Variants in NBPF9 observed in about 807,000 individuals in gnomAD.
The protein encoded by NBPF9 is NBPF family member NBPF9.
Under a neutral mutation model 97.8 loss-of-function variants are expected in NBPF9, and 91 were observed. The observed-to-expected ratio is 0.93, with a 90% CI of 0.79 to 1.11. The LOEUF is 1.11. NBPF9 is among the 50% of genes least tolerant of loss of function. The pLI is 0.00. For synonymous variants in NBPF9, 334 were observed against 359.5 expected (o/e 0.93, Z 0.80); for missense variants, 992 against 939.5 (o/e 1.06, Z -0.73).
chr1:149,093,171 A>G (rs1395787808), intron 4 of NBPF9, among the ~76,000 whole-genome samples: 19 of 151,956 alleles, frequency 1.3e-4, no homozygotes, highest in Non-Finnish European at 2.1e-4. Flanking sequence ...TAAACAAGGT[A>G]AAGAAAAAAG....
intron 5 of NBPF9, among the ~76,000 whole-genome samples, chr1:149,082,843 G>A (rs782441824): frequency 6.9e-5 from 10 of 145,882 alleles, no homozygotes; most frequent in African/African-American, 1.0e-4. Context: ...GCAGTGACGC[G>A]ATCTAGGCTC....
chr1:149,080,469 C>A (rs1193108656), intron 7 of NBPF9, among the ~76,000 whole-genome samples: 19 of 150,748 alleles, frequency 1.3e-4, no homozygotes, highest in Admixed American at 3.3e-4. Flanking sequence ...CTTTCCCAAG[C>A]CTTGCAGCCT....
Position 149,073,730 on chromosome 1 carries a change from C to A in NBPF9, c.1091+38G>T, listed in dbSNP as rs587725422. The A allele has an allele frequency of 6.4e-4, 954 of 1,500,838 alleles. 19 individuals carry two copies. The highest frequency in any genetic ancestry group is 2.8e-3 in the Middle Eastern group (12 of 4,212). The allele number at this position is 1,500,838 out of a possible 1,614,324, so 93.0% of individuals were successfully genotyped here. On this transcript the variant is annotated intron_variant, in intron 13 of 29. Transcript: ENST00000584027. Reference sequence around the variant, plus strand: ...AGCTGCTGTACTTCAGAGATTTACACACCTGCCCCCCTGCCTGCCCCCATG... The same window carrying A: ...AGCTGCTGTACTTCAGAGATTTACAAACCTGCCCCCCTGCCTGCCCCCATG...
At chr1:149,095,623 C>CAAAA (rs373341524) in intron 4 of NBPF9, among the ~76,000 whole-genome samples, 2 of 101,234 alleles carry the variant, frequency 2.0e-5, no homozygotes, top group Non-Finnish European at 4.0e-5. Context: ...CAACACAAAG[C>CAAAA]AAAAAAAAAA....
intron 28 of NBPF9, among the ~76,000 whole-genome samples, 182 bp downstream of exon 28, chr1:149,057,153 C>T (rs1211227815): frequency 6.0e-3 from 3 of 502 alleles, no homozygotes; most frequent in African/African-American, 0.013. Context: ...GTCTTGCTCA[C>T]TGACCCATCC....
At chr1:149,097,620 T>A (rs1397667174) in intron 4 of NBPF9, among the ~76,000 whole-genome samples, 1 of 152,128 alleles carries the variant, frequency 6.6e-6, no homozygotes, top group Non-Finnish European at 1.5e-5. Flanking sequence ...CAGGACCTGG[T>A]GGACGGCCAC....
chr1:149,099,066 TAA>T lies in NBPF9; in HGVS notation c.-605-362_-605-361del, dbSNP rs1397344140. Among the ~76,000 whole-genome samples the T allele has an allele frequency of 7.4e-4, 111 of 149,336 alleles. 1 individual carries two copies. Among genetic ancestry groups the T allele is most frequent in the Middle Eastern group, 3.4e-3 (1 of 292 alleles). ...AACTCCAGCCTGGGGGAAAAAAAAATAAAGAGTCCTGACTAAATACTTGAGTA... is the reference window on the plus strand; with the variant it reads ...AACTCCAGCCTGGGGGAAAAAAAAATAGAGTCCTGACTAAATACTTGAGTA... On this transcript the variant is annotated intron_variant, in intron 3 of 29. Transcript: ENST00000584027.
chr1:149,096,005 T>A (rs1553661427), intron 4 of NBPF9, among the ~76,000 whole-genome samples: 1 of 151,848 alleles, frequency 6.6e-6, no homozygotes, highest in African/African-American at 2.4e-5. Flanking sequence ...GTTGTAGCCA[T>A]ACAATGAAAT....
rs1187399091 is a variant in NBPF9 at position 149,093,122 on chromosome 1, G to A, written c.-336-2228C>T. 6.6e-4 allele frequency among the ~76,000 whole-genome samples: 101 copies of A among 151,982 alleles called. No individual in the cohort carries two copies. The Middle Eastern group carries it at 0.01, about 15-fold the overall frequency. ...GACAATAGGATAATAGTGGAGAGAA[G>A]ATCAGCAGGTAAACACGTGAACAAA... On this transcript the variant is annotated intron_variant, in intron 4 of 29. Transcript: ENST00000584027.
chr1:149,077,520 G>T, intron 10 of NBPF9, 101 bp from the exon 11 acceptor site: 1 of 1,503,850 alleles, frequency 6.6e-7, no homozygotes, highest in Non-Finnish European at 9.3e-7. Flanking sequence ...TAAGAGAGTG[G>T]TTCCAGAAAG....
chr1:149,075,328 G>T (rs1463047640), intron 12 of NBPF9, among the ~76,000 whole-genome samples: 1 of 152,186 alleles, frequency 6.6e-6, no homozygotes, highest in African/African-American at 2.4e-5. Flanking sequence ...GATGTTATTT[G>T]TCTGCAGGAT....
intron 11 of NBPF9, among the ~76,000 whole-genome samples, chr1:149,076,396 C>T (rs1473646513): frequency 6.6e-6 from 1 of 151,098 alleles, no homozygotes; most frequent in Non-Finnish European, 1.5e-5. Context: ...GGGGTTTCGC[C>T]ATCTTGGACA....
intron 14 of NBPF9, among the ~76,000 whole-genome samples, chr1:149,072,135 T>C (rs587676539): frequency 1.3e-5 from 2 of 150,734 alleles, no homozygotes; most frequent in African/African-American, 2.5e-5. Context: ...TTCAGGGACA[T>C]TCTATCCATG....
intron 4 of NBPF9, among the ~76,000 whole-genome samples, chr1:149,095,825 A>G (rs1306423847): frequency 1.3e-5 from 2 of 151,968 alleles, no homozygotes; most frequent in African/African-American, 4.8e-5. Flanking sequence ...AAGATGAGGA[A>G]CAACCAGAAC....
In NBPF9 at chr1:149,059,867, A is replaced by G. The variant is rs1298168937; in HGVS notation, c.2477-59T>C. On this transcript the variant is annotated intron_variant, in intron 24 of 29. Transcript: ENST00000584027. ...AGCTGATTCCCCTACACATATAACA[A>G]TCCACTGTCTAATCCTCACACAGGG... 74 of 515,084 alleles carry G rather than the reference A, an allele frequency of 1.4e-4. 8 individuals carry two copies. The East Asian group carries it at 1.8e-3, about 13-fold the overall frequency. 31.9% of individuals were successfully genotyped at this position (515,084 alleles called of 1,614,324 possible). A position where few individuals can be genotyped will look rare whatever the true frequency, so the allele number is the denominator to read the frequency against.
chr1:149,077,440 G>A (rs781800994), intron 10 of NBPF9, 21 bp from the exon 11 acceptor site: 2 of 1,606,904 alleles, frequency 1.2e-6, no homozygotes, highest in Non-Finnish European at 1.7e-6. Flanking sequence ...AGGTGGGACA[G>A]AGATGACAGA....
At chr1:149,058,807 T>G in intron 26 of NBPF9, 118 bp downstream of exon 26, 2 of 694,532 alleles carry the variant, frequency 2.9e-6, no homozygotes, top group South Asian at 1.5e-5. Flanking sequence ...TATGCGCCCA[T>G]AGGTCCTGCC....
chr1:149,079,429 C>T (rs1295543744), intron 8 of NBPF9, among the ~76,000 whole-genome samples: 2 of 151,750 alleles, frequency 1.3e-5, no homozygotes, highest in Admixed American at 6.6e-5. Context: ...CTGCAAGATC[C>T]TCGATGATGT....
At chr1:149,087,288 T>C (rs1342396893) in intron 5 of NBPF9, among the ~76,000 whole-genome samples, 2 of 150,892 alleles carry the variant, frequency 1.3e-5, no homozygotes, top group African/African-American at 4.9e-5. Flanking sequence ...ATATATTCCC[T>C]ATTTGGAGAT....
Sources: allele counts gnomAD v4.1 joint callset (sites outside exome capture counted in the v4.1 genomes callset), GRCh38; gene constraint gnomAD v4.1.1; transcripts MANE v1.5; gene names NCBI Gene and HGNC (gene_info 2026-07-23, HGNC 2026-07-21).